Variants in LIMCH1 observed in about 807,000 individuals in gnomAD.
LIMCH1 encodes LIM and calponin homology domains-containing protein 1.
Under a neutral mutation model 176.5 loss-of-function variants are expected in LIMCH1, and 113 were observed. That is an observed-to-expected ratio of 0.64 (90% CI 0.55 to 0.75). The LOEUF (loss-of-function observed/expected upper bound fraction) is 0.75, where lower values mean the gene tolerates loss of function less well. LIMCH1 is among the 30% of genes least tolerant of loss of function. The pLI, the probability that LIMCH1 is intolerant of heterozygous loss-of-function variation, is 0.00. For synonymous variants in LIMCH1, 619 were observed against 645.9 expected, an observed-to-expected ratio of 0.96 and a Z score of 0.63; for missense variants, 1,674 against 1,814.9, an observed-to-expected ratio of 0.92 and a Z score of 1.41.
In LIMCH1 at chr4:41,500,243, T is replaced by C. The variant is rs541571345; in HGVS notation, c.167+5637T>C. ...CCCCAGATCTTTCATCCAATGGCTTTAGTATCTATTGATGATACTTTCCTG... is the reference window on the plus strand; with the variant it reads ...CCCCAGATCTTTCATCCAATGGCTTCAGTATCTATTGATGATACTTTCCTG... On this transcript the variant is annotated intron_variant, in intron 2 of 26. Transcript: ENST00000313860. 2.0e-5 allele frequency among the ~76,000 whole-genome samples: 3 copies of C among 152,272 alleles called. 1 individual carries two copies. In the South Asian group the frequency reaches 6.2e-4, roughly 32 times the overall value.
At chr4:41,395,229 A>ATTTTTTT (rs757933680) in intron 1 of LIMCH1, among the ~76,000 whole-genome samples, 1 of 130,908 alleles carries the variant, frequency 7.6e-6, no homozygotes, top group African/African-American at 3.0e-5. Context: ...GTAGAAGTTA[A>ATTTTTTT]TTTTTTTTTT....
chr4:41,385,693 T>G (rs2056397913), intron 1 of LIMCH1: 1 of 152,236 alleles, frequency 6.6e-6, no homozygotes, highest in African/African-American at 2.4e-5. Flanking sequence ...GCAGTGCAGA[T>G]TGTGTCTCTG....
intron 4 of LIMCH1, among the ~76,000 whole-genome samples, chr4:41,609,093 G>A (rs867844570): frequency 2.6e-5 from 4 of 152,100 alleles, no homozygotes; most frequent in African/African-American, 9.7e-5. Context: ...AAGTGATACC[G>A]TGACTGGCCC....
chr4:41,360,903 G>T lies in LIMCH1; in HGVS notation c.63G>T (p.Glu21Asp). The T allele has an allele frequency of 6.3e-7, 1 of 1,588,742 alleles. No individual in the cohort carries two copies. Among genetic ancestry groups the T allele is most frequent in the African/African-American group, 1.3e-5 (1 of 74,104 alleles). Residue 21 changes from glutamate to aspartate, a missense_variant, in exon 1 of 27, where the codon GAG becomes GAT. Coordinates refer to the LIMCH1 transcript ENST00000313860. This position sits in a 1 kb window ranked among gnomAD's most constrained non-coding sequence, Gnocchi z 4.5. ...CCCTGCAGCCCGAGCCGCCCCCCGA[G>T]CCCGCCTTCTCCGAGGCGCAGAAGT...
chr4:41,621,639 T>G (rs748075896), intron 7 of LIMCH1, among the ~76,000 whole-genome samples: 7 of 152,102 alleles, frequency 4.6e-5, no homozygotes, highest in Admixed American at 2.6e-4. Context: ...GTAGCTCGGA[T>G]TACAAGCGTG....
At chr4:41,481,849 G>GTT (rs566544376) in intron 1 of LIMCH1, among the ~76,000 whole-genome samples, 3 of 141,790 alleles carry the variant, frequency 2.1e-5, no homozygotes. Flanking sequence ...TGAAATAGTT[G>GTT]TTTTTTTTTT....
At chr4:41,385,549 A>G (rs1390990546) in intron 1 of LIMCH1, among the ~76,000 whole-genome samples, 1 of 152,206 alleles carries the variant, frequency 6.6e-6, no homozygotes, top group African/African-American at 2.4e-5. Context: ...GAGAGTTATG[A>G]TACATTTTAT....
Position 41,670,905 on chromosome 4 carries a change from T to C in LIMCH1, c.3398-649T>C, listed in dbSNP as rs2094994951. On this transcript the variant is annotated intron_variant, in intron 21 of 31. Transcript: ENST00000503057. ...TGATTTCTGGGGAAAAAATTATTTC[T>C]TATGCACAGTTAGCAAAGAGCTAGT... 2.1e-6 allele frequency: 3 copies of C among 1,460,414 alleles called. No individual in the cohort carries two copies. In the South Asian group the frequency reaches 4.3e-5, roughly 21 times the overall value. 90.5% of individuals were successfully genotyped at this position (1,460,414 alleles called of 1,614,324 possible). A position where few individuals can be genotyped will look rare whatever the true frequency, so the allele number is the denominator to read the frequency against.
At chr4:41,682,672 C>CTTTTTTTTTTTTTTTTTTT (rs1479823691) in intron 26 of LIMCH1, among the ~76,000 whole-genome samples, 2 of 139,930 alleles carry the variant, frequency 1.4e-5, no homozygotes, top group South Asian at 2.2e-4. Flanking sequence ...TTTTTTTCTT[C>CTTTTTTTTTTTTTTTTTTT]TTCTTCTTTT....
chr4:41,445,678 G>T (rs1422419204), intron 1 of LIMCH1, among the ~76,000 whole-genome samples: 4 of 152,168 alleles, frequency 2.6e-5, no homozygotes, highest in African/African-American at 7.2e-5. Context: ...ATCTTTCCAC[G>T]ATACTTTCAA....
intron 4 of LIMCH1, among the ~76,000 whole-genome samples, chr4:41,608,582 T>G (rs879928765): frequency 2.0e-5 from 3 of 152,214 alleles, no homozygotes; most frequent in East Asian, 1.9e-4. Flanking sequence ...GGGTGCAACT[T>G]GTTAAGTTCT....
intron 1 of LIMCH1, among the ~76,000 whole-genome samples, chr4:41,460,129 G>A (rs914345628): frequency 1.3e-5 from 2 of 152,030 alleles, no homozygotes; most frequent in Non-Finnish European, 2.9e-5. Context: ...ACAGAGGATC[G>A]GCACAGATAG....
intron 1 of LIMCH1, among the ~76,000 whole-genome samples, chr4:41,466,996 G>A (rs2066217500): frequency 6.6e-6 from 1 of 152,040 alleles, no homozygotes; most frequent in Admixed American, 6.6e-5. Context: ...AATACTCTAG[G>A]TACCTCGCAT....
chr4:41,599,212 G>A, intron 2 of LIMCH1, 186 bp downstream of exon 2: 1 of 433,806 alleles, frequency 2.3e-6, no homozygotes. Context: ...CTTTCATTCT[G>A]ATCAAACATC....
chr4:41,609,502 C>G (rs1366197562), intron 4 of LIMCH1: 1 of 378,814 alleles, frequency 2.6e-6, no homozygotes, highest in Non-Finnish European at 5.3e-6. Flanking sequence ...CCCTAAAGCC[C>G]TCTAGATCAG....
intron 1 of LIMCH1, among the ~76,000 whole-genome samples, chr4:41,380,988 AAGTCATATCACAATC>A (rs2055577501): frequency 5.3e-5 from 8 of 152,278 alleles, no homozygotes; most frequent in Admixed American, 4.6e-4. Flanking sequence ...CCTGAGTGTA[AAGTCATATCACAATC>A]AGTTATTCTT....
intron 1 of LIMCH1, among the ~76,000 whole-genome samples, chr4:41,487,578 C>T (rs1221472481): frequency 6.6e-6 from 1 of 151,560 alleles, no homozygotes; most frequent in Admixed American, 6.6e-5. Flanking sequence ...AGTGGCTATG[C>T]ATTACATACT....
chr4:41,522,379 C>T (rs1463196630), intron 2 of LIMCH1, among the ~76,000 whole-genome samples: 4 of 152,214 alleles, frequency 2.6e-5, no homozygotes, highest in Admixed American at 6.5e-5. Flanking sequence ...TATAAATTCT[C>T]CTCTGGAAAG....
chr4:41,664,438 G>A (rs144304732), intron 20 of LIMCH1, among the ~76,000 whole-genome samples: 47 of 152,192 alleles, frequency 3.1e-4, no homozygotes, highest in South Asian at 1.2e-3. Flanking sequence ...GCCTTGATGC[G>A]TTTTCAATAT....
Sources: gnomAD v4.1 joint callset for allele counts (sites outside exome capture counted in the v4.1 genomes callset) on GRCh38, gnomAD v4.1.1 for gene constraint, Gnocchi (gnomAD v3.1) non-coding constraint, MANE v1.5 for transcripts, NCBI Gene and HGNC (gene_info 2026-07-23, HGNC 2026-07-21) for gene names.